DNAAF4: variants seen among roughly 807,000 people sequenced by gnomAD.
The protein encoded by DNAAF4 is dynein assembly factor 4, axonemal.
In DNAAF4, 43 loss-of-function variants were observed where a neutral mutation model predicts 51.8. That is an observed-to-expected ratio of 0.83 (90% confidence interval 0.65 to 1.07). The LOEUF is 1.07. Ranked by LOEUF, DNAAF4 falls within the 50% of genes least tolerant of loss-of-function variation. DNAAF4 has a pLI of 0.00. For missense variants in DNAAF4, 581 were observed against 493.0 expected (o/e 1.18, Z -1.69); for synonymous variants, 194 against 165.6 (o/e 1.17, Z -1.32).
chr15:55,472,220 C>T (rs2058265577), intron 4 of DNAAF4, among the ~76,000 whole-genome samples: 1 of 152,100 alleles, frequency 6.6e-6, no homozygotes, highest in Admixed American at 6.6e-5. Context: ...TTAAACAATC[C>T]TTGAAGGTCT....
chr15:55,454,054 AT>A (rs1370435362), intron 5 of DNAAF4, among the ~76,000 whole-genome samples: 2 of 151,962 alleles, frequency 1.3e-5, no homozygotes, highest in African/African-American at 4.8e-5. Flanking sequence ...TAATCCCAGG[AT>A]TTTGGGAGGC....
At chr15:55,425,686 T>G (rs2057424952), downstream of DNAAF4, among the ~76,000 whole-genome samples, 1 of 152,184 alleles carries the variant, frequency 6.6e-6, no homozygotes, top group Non-Finnish European at 1.5e-5. Context: ...ATCTCTGTAT[T>G]AGGACTAATA....
chr15:55,454,077 G>C (rs964499709), intron 5 of DNAAF4, among the ~76,000 whole-genome samples: 1 of 151,878 alleles, frequency 6.6e-6, no homozygotes, highest in Non-Finnish European at 1.5e-5. Flanking sequence ...AAGACAGGTA[G>C]ATCGCTTGAG....
chr15:55,473,242 TA>T lies in DNAAF4; in HGVS notation c.406-6082del, dbSNP rs2141530860. Among the ~76,000 whole-genome samples the T allele has an allele frequency of 2.1e-5, 3 of 141,628 alleles. No individual in the cohort carries two copies. In the South Asian group the frequency reaches 6.7e-4, roughly 32 times the overall value. The allele number at this position is 141,628 out of a possible 152,430, so 92.9% of individuals were successfully genotyped here. A position where few individuals can be genotyped will look rare whatever the true frequency, so the allele number is the denominator to read the frequency against. On this transcript the variant is annotated intron_variant, in intron 4 of 9. Transcript: ENST00000321149. ...ATATATGTGTGTGTGTATATATATATATGTGTGTGTATATATATGTGTATAT... is the reference window on the plus strand; with the variant it reads ...ATATATGTGTGTGTGTATATATATATTGTGTGTGTATATATATGTGTATAT...
chr15:55,425,149 G>A (rs1317928407), intron 7 of DNAAF4, among the ~76,000 whole-genome samples: 1 of 152,234 alleles, frequency 6.6e-6, no homozygotes, highest in Non-Finnish European at 1.5e-5. Flanking sequence ...ACAGGCGTGA[G>A]CCATCACGCT....
Position 55,445,468 on chromosome 15 carries a change from C to T in DNAAF4, c.783+4754G>A, listed in dbSNP as rs2057783712. 2.6e-5 allele frequency among the ~76,000 whole-genome samples: 4 copies of T among 152,036 alleles called. No individual in the cohort carries two copies. In the South Asian group the frequency reaches 8.3e-4, roughly 31 times the overall value. ...TACACAGACACAGTAACAATCTGATCTCTCTTTCTTTTCCCCAAATTTCCC... is the reference window on the plus strand; with the variant it reads ...TACACAGACACAGTAACAATCTGATTTCTCTTTCTTTTCCCCAAATTTCCC... On this transcript the variant is annotated intron_variant, in intron 6 of 9. Coordinates refer to ENST00000321149, the MANE Select transcript of DNAAF4 (RefSeq NM_130810.4).
chr15:55,454,695 T>A (rs1417370572), intron 5 of DNAAF4, among the ~76,000 whole-genome samples: 1 of 152,122 alleles, frequency 6.6e-6, no homozygotes, highest in Non-Finnish European at 1.5e-5. Context: ...AAGAAGGTAA[T>A]ATTTGAAGAC....
intron 7 of DNAAF4, among the ~76,000 whole-genome samples, chr15:55,421,741 T>G (rs898206413): frequency 6.6e-6 from 1 of 151,174 alleles, no homozygotes; most frequent in African/African-American, 2.4e-5. Context: ...ACAAAAAAAA[T>G]TAGCTGGCAT....
At chr15:55,486,557 C>T (rs948678310) in intron 4 of DNAAF4, among the ~76,000 whole-genome samples, 2 of 152,030 alleles carry the variant, frequency 1.3e-5, no homozygotes, top group African/African-American at 4.8e-5. Flanking sequence ...TAAGAATTTT[C>T]CAGATCCTTA....
At chr15:55,427,070 G>C (rs550414053), downstream of DNAAF4, among the ~76,000 whole-genome samples, 2 of 150,228 alleles carry the variant, frequency 1.3e-5, no homozygotes, top group Non-Finnish European at 3.0e-5. Flanking sequence ...GTTTTTTTTT[G>C]TTTGTTTGTT....
chr15:55,467,170 A>T lies in DNAAF4; in HGVS notation c.406-9T>A. 6.6e-7 allele frequency: 1 copy of T among 1,511,886 alleles called. No homozygotes were observed. Among genetic ancestry groups the T allele is most frequent in the South Asian group, 1.3e-5 (1 of 79,454 alleles). The allele number at this position is 1,511,886 out of a possible 1,614,324, so 93.7% of individuals were successfully genotyped here. A position where few individuals can be genotyped will look rare whatever the true frequency, so the allele number is the denominator to read the frequency against. ...CTCTCTTCTTCTTCAATCTATAACA[A>T]TTGCAATTACCAAATTCTTTAAAAT... On this transcript the variant is annotated splice_polypyrimidine_tract_variant and intron_variant, in intron 4 of 9. Transcript: ENST00000321149.
chr15:55,469,292 T>TGGGGGACAAGA (rs2058214769), intron 4 of DNAAF4, among the ~76,000 whole-genome samples: 1 of 150,094 alleles, frequency 6.7e-6, no homozygotes, highest in African/African-American at 2.5e-5. Context: ...ATAAAGCCAT[T>TGGGGGACAAGA]GCACTCAAAC....
chr15:55,498,460 C>T lies in DNAAF4; in HGVS notation c.-131G>A, dbSNP rs2058669816. The T allele has an allele frequency of 7.1e-7, 1 of 1,400,872 alleles. No individual in the cohort carries two copies. 86.8% of individuals were successfully genotyped at this position (1,400,872 alleles called of 1,614,324 possible). A position where few individuals can be genotyped will look rare whatever the true frequency, so the allele number is the denominator to read the frequency against. On this transcript the variant is annotated 5_prime_UTR_variant, in exon 2 of 10. Coordinates refer to ENST00000321149, the MANE Select transcript of DNAAF4 (RefSeq NM_130810.4). ...CCGGGAGCCCGGCGTTCCCAGCGTG[C>T]TCCGGCGCCAGCACCTCGCGGACTC... is the stretch of plus-strand genomic sequence containing the variant.
intron 4 of DNAAF4, among the ~76,000 whole-genome samples, chr15:55,486,938 T>A (rs75387383): frequency 3.3e-5 from 5 of 152,280 alleles, no homozygotes; most frequent in African/African-American, 1.2e-4. Context: ...AATTTCTCCA[T>A]CTTAACAAAA....
intron 4 of DNAAF4, among the ~76,000 whole-genome samples, chr15:55,482,124 T>A (rs900590403): frequency 2.0e-5 from 3 of 152,252 alleles, no homozygotes; most frequent in Non-Finnish European, 4.4e-5. Flanking sequence ...GTTCTTTTAT[T>A]GCTTTGTTTG....
At chr15:55,429,867 C>T (rs1366296599), downstream of DNAAF4, among the ~76,000 whole-genome samples, 3 of 151,202 alleles carry the variant, frequency 2.0e-5, no homozygotes, top group Non-Finnish European at 4.4e-5. Flanking sequence ...ATTACAGTAA[C>T]TACAAGCAAA....
intron 6 of DNAAF4, among the ~76,000 whole-genome samples, chr15:55,447,671 G>A (rs995254686): frequency 3.3e-5 from 5 of 149,344 alleles, no homozygotes; most frequent in East Asian, 2.0e-4. Flanking sequence ...CCAAGCAGTC[G>A]GCAGGCCGAG....
Position 55,445,029 on chromosome 15 carries a change from AC to A in DNAAF4, c.783+5192del, listed in dbSNP as rs1229307398. On this transcript the variant is annotated intron_variant, in intron 6 of 9. Coordinates refer to ENST00000321149, the MANE Select transcript of DNAAF4 (RefSeq NM_130810.4). ...TGACTTCCTCTTTTCCTAATTGAAT[AC>A]CCTTTTTTTTTTTTTTTTTTTTTAG... is the stretch of plus-strand genomic sequence containing the variant. 6.1e-5 allele frequency among the ~76,000 whole-genome samples: 7 copies of A among 113,876 alleles called. No homozygotes were observed. The South Asian group carries it at 1.1e-3, about 18-fold the overall frequency. 74.7% of individuals were successfully genotyped at this position (113,876 alleles called of 152,430 possible). A position where few individuals can be genotyped will look rare whatever the true frequency, so the allele number is the denominator to read the frequency against.
intron 1 of DNAAF4, among the ~76,000 whole-genome samples, chr15:55,506,736 T>C (rs1394679591): frequency 1.3e-5 from 2 of 152,158 alleles, no homozygotes; most frequent in African/African-American, 4.8e-5. Context: ...CAGAATATTA[T>C]ACAACAATAA....
Sources: gnomAD v4.1 joint callset for allele counts (sites outside exome capture counted in the v4.1 genomes callset) on GRCh38, gnomAD v4.1.1 for gene constraint, MANE v1.5 for transcripts, NCBI Gene and HGNC (gene_info 2026-07-23, HGNC 2026-07-21) for gene names.